Variants in SOX6 observed in about 807,000 individuals in gnomAD.
The protein encoded by SOX6 is SRY-box transcription factor 6, also known as transcription factor SOX-6.
A neutral mutation model predicts 97.8 loss-of-function variants in SOX6; 11 were observed. The ratio of observed to expected loss-of-function variants is 0.11; its 90% CI spans 0.07 to 0.19. The LOEUF (loss-of-function observed/expected upper bound fraction) is 0.19, where lower values mean the gene tolerates loss of function less well. Ranked by LOEUF, SOX6 falls within the 10% of genes least tolerant of loss-of-function variation. The pLI, the probability that SOX6 is intolerant of heterozygous loss-of-function variation, is 1.00. For synonymous variants in SOX6, 360 were observed against 371.4 expected (o/e 0.97, Z 0.35); for missense variants, 810 against 1,039.5 (o/e 0.78, Z 3.04).
intron 15 of SOX6, among the ~76,000 whole-genome samples, chr11:15,985,376 A>G (rs1440705676): frequency 1.3e-5 from 2 of 151,942 alleles, no homozygotes; most frequent in Non-Finnish European, 2.9e-5. Flanking sequence ...CTCTCTCTCA[A>G]GCTCTTTCCC....
At chr11:16,627,556 T>C (rs571924357) in intron 3 of SOX6, among the ~76,000 whole-genome samples, 2 of 152,264 alleles carry the variant, frequency 1.3e-5, no homozygotes, top group South Asian at 2.1e-4. Flanking sequence ...ATCACTGATG[T>C]GGAGCATTTT....
chr11:16,473,532 G>T (rs1461900629), intron 1 of SOX6, among the ~76,000 whole-genome samples: 1 of 151,042 alleles, frequency 6.6e-6, no homozygotes, highest in East Asian at 1.9e-4. Flanking sequence ...GGTTGGAGTG[G>T]CTGTGGGCTG....
intron 1 of SOX6, among the ~76,000 whole-genome samples, chr11:16,341,603 A>G (rs749426447): frequency 6.6e-6 from 1 of 152,080 alleles, no homozygotes; most frequent in Non-Finnish European, 1.5e-5. Context: ...TTAGGGTGAT[A>G]GTTAGCAATG....
intron 3 of SOX6, among the ~76,000 whole-genome samples, chr11:16,710,043 A>G (rs1012379812): frequency 2.6e-5 from 4 of 152,190 alleles, no homozygotes; most frequent in Admixed American, 6.5e-5. Flanking sequence ...TGTTCATCAA[A>G]TGCTATATTT....
intron 4 of SOX6, among the ~76,000 whole-genome samples, chr11:16,202,906 A>G (rs373015453): frequency 4.6e-5 from 7 of 152,196 alleles, no homozygotes; most frequent in African/African-American, 1.7e-4. Context: ...GAAAACAAGC[A>G]AACACCAAAA....
At chr11:16,519,485 C>A (rs554523335) in intron 4 of SOX6, among the ~76,000 whole-genome samples, 15 of 152,250 alleles carry the variant, frequency 9.9e-5, no homozygotes, top group African/African-American at 3.6e-4. Context: ...AGCATAATGG[C>A]TTCCATCTAG....
chr11:16,453,221 G>A (rs889174642), intron 1 of SOX6, among the ~76,000 whole-genome samples: 2 of 151,924 alleles, frequency 1.3e-5, no homozygotes, highest in Admixed American at 6.6e-5. Flanking sequence ...ATCATCAACT[G>A]TACAATACTG....
At chr11:16,349,699 AGGAAGGAAGGAAGGAAGAAGGAAGGAAG>A (rs1262886227) in intron 1 of SOX6, among the ~76,000 whole-genome samples, 4 of 73,532 alleles carry the variant, frequency 5.4e-5, no homozygotes, top group Non-Finnish European at 1.2e-4. Context: ...GAAGGAAGGA[AGGAAGGAAGGAAGGAAGAAGGAAGGAAG>A]GAAGGAAGGA....
chr11:16,367,028 T>A (rs1231336926), intron 1 of SOX6, among the ~76,000 whole-genome samples: 2 of 152,178 alleles, frequency 1.3e-5, no homozygotes, highest in African/African-American at 4.8e-5. Context: ...GCATCTGATA[T>A]TTGCTAGAAT....
At chr11:16,036,879 T>A (rs893609585) in intron 12 of SOX6, among the ~76,000 whole-genome samples, 3 of 152,194 alleles carry the variant, frequency 2.0e-5, no homozygotes, top group Admixed American at 6.5e-5. Flanking sequence ...TTTGTTAGAC[T>A]TAGGAGGCAG....
Position 16,300,313 on chromosome 11 carries a change from G to C in SOX6, c.445+18133C>G, listed in dbSNP as rs1005021431. ...GTCCACAATATTAGACATTTTTACT[G>C]TCCCTTCCTTAAGAAAAAGCAGGTC... On this transcript the variant is annotated intron_variant, in intron 3 of 15. Coordinates refer to ENST00000683767, the MANE Select transcript of SOX6 (RefSeq NM_001367873.1). This position sits in a 1 kb window ranked among gnomAD's most constrained non-coding sequence, Gnocchi z 4.1. Among the ~76,000 whole-genome samples, 6 of 152,200 alleles carry C rather than the reference G, an allele frequency of 3.9e-5. No individual in the cohort carries two copies. The highest frequency in any genetic ancestry group is 3.9e-4 in the Admixed American group (6 of 15,290).
chr11:16,596,234 C>T (rs912625880), intron 4 of SOX6, among the ~76,000 whole-genome samples: 2 of 152,188 alleles, frequency 1.3e-5, no homozygotes, highest in South Asian at 2.1e-4. Flanking sequence ...TAATAAGCCA[C>T]TTACTGTAAT....
At chr11:16,349,330 A>C (rs1000601331) in intron 1 of SOX6, among the ~76,000 whole-genome samples, 1 of 152,096 alleles carries the variant, frequency 6.6e-6, no homozygotes, top group Non-Finnish European at 1.5e-5. Flanking sequence ...TATGTCCTAC[A>C]GCTAGGCCTG....
chr11:16,098,387 G>A (rs1848855814), intron 7 of SOX6, among the ~76,000 whole-genome samples: 1 of 151,740 alleles, frequency 6.6e-6, no homozygotes, highest in African/African-American at 2.4e-5. Flanking sequence ...CATTTTACAT[G>A]GAATATCTGT....
chr11:16,275,385 G>A (rs1159442283), intron 3 of SOX6, among the ~76,000 whole-genome samples: 1 of 152,036 alleles, frequency 6.6e-6, no homozygotes, highest in Non-Finnish European at 1.5e-5. Context: ...GAACCTGGGA[G>A]GCGGAGCTTG....
intron 4 of SOX6, among the ~76,000 whole-genome samples, chr11:16,192,759 T>A (rs1851665022): frequency 6.6e-6 from 1 of 152,256 alleles, no homozygotes; most frequent in Non-Finnish European, 1.5e-5. Context: ...AAATAAAAAA[T>A]TAAGTTTAAA....
chr11:16,391,232 A>C (rs1858171570), intron 1 of SOX6, among the ~76,000 whole-genome samples: 1 of 152,158 alleles, frequency 6.6e-6, no homozygotes, highest in Non-Finnish European at 1.5e-5. Context: ...AGAAATACCT[A>C]ATGTAGGTGA....
chr11:16,734,026 CAAAAAAA>C (rs912566097), intron 2 of SOX6, among the ~76,000 whole-genome samples: 10 of 64,926 alleles, frequency 1.5e-4, no homozygotes, highest in African/African-American at 5.3e-4. Context: ...GACTTTGTCT[CAAAAAAA>C]AAAAAAAAAA....
At chr11:16,522,807 C>CA (rs879694925) in intron 4 of SOX6, among the ~76,000 whole-genome samples, 3 of 151,498 alleles carry the variant, frequency 2.0e-5, no homozygotes, top group African/African-American at 7.3e-5. Context: ...AAATGGAAAG[C>CA]AAAAAAAGGC....
Sources: allele counts gnomAD v4.1 joint callset (sites outside exome capture counted in the v4.1 genomes callset), GRCh38; gene constraint gnomAD v4.1.1; non-coding constraint Gnocchi (gnomAD v3.1); transcripts MANE v1.5; gene names NCBI Gene and HGNC (gene_info 2026-07-23, HGNC 2026-07-21).